RYR3: variants seen among roughly 807,000 people sequenced by gnomAD.
The protein encoded by RYR3 is brain ryanodine receptor-calcium release channel.
Under a neutral mutation model 584.3 loss-of-function variants are expected in RYR3, and 207 were observed. The observed-to-expected ratio is 0.35, with a 90% confidence interval of 0.32 to 0.40. The LOEUF is 0.40. Among genes scored for constraint, RYR3 ranks in the 10% least tolerant of loss-of-function variants. The probability of loss-of-function intolerance (pLI) is 1.00; values close to 1 mark genes in which losing one functional copy is unlikely to be tolerated. For synonymous variants in RYR3, 2,416 were observed against 2,248.5 expected (o/e 1.07, Z -2.11); for missense variants, 5,616 against 6,089.2 (o/e 0.92, Z 2.59).
At chr15:33,417,198 T>C (rs553437424) in intron 1 of RYR3, among the ~76,000 whole-genome samples, 2 of 152,320 alleles carry the variant, frequency 1.3e-5, no homozygotes, top group Non-Finnish European at 2.9e-5. Context: ...ATATGAATTT[T>C]AGGACAGTTT....
rs376084861 is a variant in RYR3, at chr15:33,739,929, C to T, written c.7754C>T (p.Thr2585Met). Residue 2585 changes from threonine to methionine, a missense_variant, in exon 51 of 104, where the codon ACG becomes ATG. Around this residue, in one of 9 missense-constraint regions of RYR3, gnomAD observed 1,280 missense variants for 1,426.2 expected, o/e 0.90. Coordinates refer to ENST00000634891, the MANE Select transcript of RYR3 (RefSeq NM_001036.6). ...TATTTAGATACCAGAATCACAGCCA[C>T]GTTGGAGAAACAGATCTCAGTGGAT... ...PDYLDTRITA[T>M]LEKQISVDAD... The T allele has an allele frequency of 1.5e-5, 24 of 1,613,662 alleles. 1 individual carries two copies. Among genetic ancestry groups the T allele is most frequent in the South Asian group, 4.4e-5 (4 of 91,022 alleles).
At chr15:33,660,618 T>A (rs1271697732) in intron 34 of RYR3, among the ~76,000 whole-genome samples, 195 bp downstream of exon 34, 4 of 152,148 alleles carry the variant, frequency 2.6e-5, no homozygotes, top group Non-Finnish European at 4.4e-5. Flanking sequence ...CACTAGGAGG[T>A]GCCTGCCACA....
At chr15:33,635,345 A>G (rs992926069) in intron 25 of RYR3, among the ~76,000 whole-genome samples, 1 of 152,228 alleles carries the variant, frequency 6.6e-6, no homozygotes, top group African/African-American at 2.4e-5. Context: ...TGAGGACAAT[A>G]TTAGCTACCT....
At chr15:33,725,284 C>T (rs1229670249) in intron 45 of RYR3, among the ~76,000 whole-genome samples, 1 of 152,070 alleles carries the variant, frequency 6.6e-6, no homozygotes. Context: ...TCACCAACCA[C>T]CTCTTCTCTA....
intron 51 of RYR3, among the ~76,000 whole-genome samples, chr15:33,741,071 G>A (rs41496150): frequency 0.2 from 30,107 of 152,192 alleles, 3,130 homozygotes; most frequent in African/African-American, 0.27. Context: ...TTTTGAAAAC[G>A]TTCTGAGAAA....
Position 33,532,910 on chromosome 15 carries a change from C to T in RYR3, c.355-401C>T, listed in dbSNP as rs192167389. On this transcript the variant is annotated intron_variant, in intron 4 of 103. Transcript: ENST00000634891. The stretch of plus-strand genomic sequence containing the variant: ...GGCAGGAGGATCACTTGAAGCCAGG[C>T]GTTCAAGACCAGCCTGGGAAACATA... 1.1e-3 allele frequency among the ~76,000 whole-genome samples: 164 copies of T among 152,172 alleles called. 3 individuals are homozygous for T. Among genetic ancestry groups the T allele is most frequent in the African/African-American group, 3.9e-3 (161 of 41,528 alleles).
rs145334451 is a variant in RYR3, at chr15:33,348,029, A to G, written c.51+36933A>G. ...AAGAGTAGTATATACATACATCTAT[A>G]AACATTCCTATATGTAACAATCTGT... On this transcript the variant is annotated intron_variant, in intron 1 of 103. Coordinates refer to ENST00000634891, the MANE Select transcript of RYR3 (RefSeq NM_001036.6). Among the ~76,000 whole-genome samples the G allele has an allele frequency of 5.2e-3, 789 of 152,266 alleles. 6 individuals are homozygous for G. Among genetic ancestry groups the G allele is most frequent in the African/African-American group, 0.018 (754 of 41,530 alleles).
chr15:33,731,446 A>G, intron 47 of RYR3, 28 bp from the exon 48 acceptor site: 1 of 1,544,476 alleles, frequency 6.5e-7, no homozygotes, highest in Admixed American at 1.8e-5. Flanking sequence ...CAGGGCAATT[A>G]ACCTGTGTCC....
intron 3 of RYR3, among the ~76,000 whole-genome samples, chr15:33,508,476 C>T (rs2052669917): frequency 6.6e-6 from 1 of 151,954 alleles, no homozygotes; most frequent in African/African-American, 2.4e-5. Context: ...AGTGAAACCC[C>T]ATCTCTACTA....
intron 2 of RYR3, among the ~76,000 whole-genome samples, chr15:33,476,814 G>A (rs2049425825): frequency 1.3e-5 from 2 of 152,146 alleles, no homozygotes; most frequent in African/African-American, 4.8e-5. Flanking sequence ...CGCCATCAGG[G>A]TTCTCACAGA....
intron 1 of RYR3, among the ~76,000 whole-genome samples, chr15:33,347,563 C>T (rs1972623851): frequency 6.6e-6 from 1 of 151,898 alleles, no homozygotes; most frequent in East Asian, 1.9e-4. Context: ...TCTCCTGCCT[C>T]AGCCTCCTGA....
chr15:33,572,650 ACTAT>A lies in RYR3; in HGVS notation c.1268+5852_1268+5855del, dbSNP rs1194256517. 1.7e-3 allele frequency among the ~76,000 whole-genome samples: 227 copies of A among 132,050 alleles called. 15 individuals carry two copies. The highest frequency in any genetic ancestry group is 0.016 in the East Asian group (73 of 4,692). The allele number at this position is 132,050 out of a possible 152,430, so 86.6% of individuals were successfully genotyped here. A position where few individuals can be genotyped will look rare whatever the true frequency, so the allele number is the denominator to read the frequency against. On this transcript the variant is annotated intron_variant, in intron 12 of 103. Transcript: ENST00000634891. ...AGGCTCATTAAATTAAAAAAAAAAAACTATATATACACACACACACACACACACA... is the reference window on the plus strand; with the variant it reads ...AGGCTCATTAAATTAAAAAAAAAAAAATATACACACACACACACACACACA...
intron 98 of RYR3, chr15:33,856,332 T>C (rs2079655177): frequency 6.6e-6 from 1 of 152,298 alleles, no homozygotes; most frequent in South Asian, 2.1e-4. Context: ...TTTGTGTGGC[T>C]CCTTGAAGGC....
At chr15:33,459,782 T>C (rs762511288) in intron 1 of RYR3, among the ~76,000 whole-genome samples, 2 of 152,164 alleles carry the variant, frequency 1.3e-5, no homozygotes, top group African/African-American at 4.8e-5. Context: ...TTGTATACTA[T>C]ATAACTCTCC....
At chr15:33,501,850 C>T (rs529425042) in intron 2 of RYR3, among the ~76,000 whole-genome samples, 130 of 152,204 alleles carry the variant, frequency 8.5e-4, no homozygotes, top group South Asian at 7.1e-3. Flanking sequence ...TGCTCAAGTC[C>T]CATACAAATA....
intron 6 of RYR3, 114 bp downstream of exon 6, chr15:33,539,576 A>G (rs969007811): frequency 3.1e-6 from 2 of 639,626 alleles, no homozygotes; most frequent in Non-Finnish European, 5.6e-6. Context: ...GCTTTTACAT[A>G]TATAGAGTTG....
At chr15:33,717,172 CT>C (rs1344584495) in intron 43 of RYR3, among the ~76,000 whole-genome samples, 12 of 152,180 alleles carry the variant, frequency 7.9e-5, no homozygotes, top group Admixed American at 7.9e-4. Context: ...GGTTTCATGG[CT>C]TTGAATTCCA....
chr15:33,513,635 T>G (rs2053234092), intron 3 of RYR3, among the ~76,000 whole-genome samples: 1 of 152,048 alleles, frequency 6.6e-6, no homozygotes, highest in South Asian at 2.1e-4. Flanking sequence ...TACTTGGGCT[T>G]GTAGTGAGGT....
chr15:33,652,578 G>GAA (rs202159384), intron 31 of RYR3, 140 bp from the exon 32 acceptor site: 1 of 828,420 alleles, frequency 1.2e-6, no homozygotes, highest in African/African-American at 1.8e-5. Flanking sequence ...CTCATTTAAG[G>GAA]AAAAAAAAGT....
Sources: gnomAD v4.1 joint callset for allele counts (sites outside exome capture counted in the v4.1 genomes callset) on GRCh38, gnomAD v4.1.1 for gene constraint, gnomAD v4.1.1 regional missense constraint, MANE v1.5 for transcripts, NCBI Gene and HGNC (gene_info 2026-07-23, HGNC 2026-07-21) for gene names.